The following RNF175 variants were observed in gnomAD, a reference collection of about 807,000 sequenced individuals.
RNF175 encodes the protein ring finger protein 175.
Under a neutral mutation model 50.0 loss-of-function variants are expected in RNF175, and 38 were observed. The ratio of observed to expected loss-of-function variants is 0.76; its 90% confidence interval spans 0.59 to 1.00. The LOEUF is 1.00. Ranked by LOEUF, RNF175 falls within the 50% of genes least tolerant of loss-of-function variation. The probability of loss-of-function intolerance (pLI) is 0.00; values close to 1 mark genes in which losing one functional copy is unlikely to be tolerated. For synonymous variants in RNF175, 155 were observed against 146.1 expected, an observed-to-expected ratio of 1.06 and a Z score of -0.44; for missense variants, 388 against 409.6, an observed-to-expected ratio of 0.95 and a Z score of 0.46.
intron 8 of RNF175, among the ~76,000 whole-genome samples, chr4:153,711,383 T>G (rs1432679137): frequency 6.6e-6 from 1 of 151,428 alleles, no homozygotes; most frequent in Non-Finnish European, 1.5e-5. Context: ...GAGGGTGGTC[T>G]CTTGCAATGG....
chr4:153,720,198 C>A lies in RNF175; in HGVS notation c.616G>T (p.Ala206Ser), dbSNP rs1480267176. The change falls in exon 6 of 9, where the codon GCT (alanine) becomes TCT (serine). Residue 206 changes from alanine (A) to serine (S), a missense_variant. Ala to Ser is a moderately conservative substitution (Grantham distance 99). Coordinates refer to ENST00000347063, the MANE Select transcript of RNF175 (RefSeq NM_173662.4). ...GCAACACTTACCCCTATAGTGGAAG[C>A]CATGTAGTCTGAGCAGATCTCGGCA... ...DFAEICSDYM[A>S]STIGFYSVSR... is the part of the protein sequence containing the mutation. 1 of 1,613,696 alleles carries A rather than the reference C, an allele frequency of 6.2e-7. No homozygotes were observed. Among genetic ancestry groups the A allele is most frequent in the East Asian group, 2.2e-5 (1 of 44,860 alleles).
chr4:153,728,415 A>G (rs1738840664), intron 3 of RNF175, 54 bp from the exon 4 acceptor site: 3 of 1,464,858 alleles, frequency 2.0e-6, no homozygotes, highest in Non-Finnish European at 2.9e-6. Context: ...CCTGAATGGC[A>G]TCTCCACTAT....
chr4:153,717,783 C>A (rs147887179), intron 6 of RNF175, among the ~76,000 whole-genome samples: 9 of 152,188 alleles, frequency 5.9e-5, no homozygotes, highest in South Asian at 2.1e-4. Flanking sequence ...TTTTCCCACC[C>A]CTTTCAATGA....
At chr4:153,721,290 TTGG>T (rs1738326797) in intron 5 of RNF175, 1 of 152,192 alleles carries the variant, frequency 6.6e-6, no homozygotes, top group Non-Finnish European at 1.5e-5. Flanking sequence ...GTGGTGACCC[TTGG>T]TGGTTCTGAT....
chr4:153,739,691 T>C (rs1739546360), intron 3 of RNF175, among the ~76,000 whole-genome samples: 1 of 152,220 alleles, frequency 6.6e-6, no homozygotes, highest in Non-Finnish European at 1.5e-5. Context: ...GGATTTTTTC[T>C]TTCAATACTT....
At chr4:153,726,069 G>A (rs924458816) in intron 4 of RNF175, among the ~76,000 whole-genome samples, 1 of 133,902 alleles carries the variant, frequency 7.5e-6, no homozygotes, top group East Asian at 2.3e-4. Flanking sequence ...TGGCTAGTGT[G>A]TGTATGTGTG....
At chr4:153,753,342 C>T (rs956640514) in intron 1 of RNF175, among the ~76,000 whole-genome samples, 23 of 152,236 alleles carry the variant, frequency 1.5e-4, no homozygotes, top group Admixed American at 1.4e-3. Context: ...AGTGGCTAAA[C>T]CGGAGGCACA....
intron 4 of RNF175, among the ~76,000 whole-genome samples, chr4:153,723,780 C>G (rs1490593421): frequency 6.6e-6 from 1 of 152,146 alleles, no homozygotes; most frequent in Non-Finnish European, 1.5e-5. Context: ...CCACAGCGCC[C>G]CCTTCTCATT....
At chr4:153,724,269 T>C (rs1033509590) in intron 4 of RNF175, among the ~76,000 whole-genome samples, 1 of 152,192 alleles carries the variant, frequency 6.6e-6, no homozygotes, top group African/African-American at 2.4e-5. Context: ...ACCAGCTTCA[T>C]GTCTAGGAGG....
intron 3 of RNF175, among the ~76,000 whole-genome samples, chr4:153,741,830 T>C (rs373768733): frequency 2.6e-5 from 4 of 152,306 alleles, no homozygotes; most frequent in African/African-American, 9.6e-5. Context: ...GCCAGTACTC[T>C]TTCCTTTCAC....
chr4:153,755,042 G>GC (rs1740493893), intron 1 of RNF175, among the ~76,000 whole-genome samples: 1 of 152,240 alleles, frequency 6.6e-6, no homozygotes, highest in Admixed American at 6.5e-5. Context: ...CCTGCAGCCA[G>GC]CACTGCAGGT....
At chr4:153,751,956 T>C (rs909651307) in intron 1 of RNF175, among the ~76,000 whole-genome samples, 1 of 152,344 alleles carries the variant, frequency 6.6e-6, no homozygotes, top group South Asian at 2.1e-4. Context: ...AGAGGCTCCG[T>C]TGATTTGGAG....
intron 3 of RNF175, among the ~76,000 whole-genome samples, chr4:153,733,708 C>T (rs956531542): frequency 1.3e-5 from 2 of 152,162 alleles, no homozygotes; most frequent in Non-Finnish European, 2.9e-5. Flanking sequence ...TCCCTGGAAT[C>T]CCCCAACCTC....
In RNF175 at chr4:153,759,781, GC is replaced by G. The variant is rs1401414400; in HGVS notation, c.66+15del. ...CCGGCCTGGCGTCCCCCACGCCCGC[GC>G]CCCCGCGCCAGTACCTGCTCCTGCT... On this transcript the variant is annotated intron_variant, in intron 1 of 8. Coordinates refer to ENST00000347063, the MANE Select transcript of RNF175 (RefSeq NM_173662.4). The G allele has an allele frequency of 1.4e-6, 2 of 1,464,830 alleles. No individual in the cohort carries two copies. The highest frequency in any genetic ancestry group is 2.4e-5 in the Admixed American group (1 of 42,408). The allele number at this position is 1,464,830 out of a possible 1,614,324, so 90.7% of individuals were successfully genotyped here. A position where few individuals can be genotyped will look rare whatever the true frequency, so the allele number is the denominator to read the frequency against.
chr4:153,732,101 A>G (rs987086196), intron 3 of RNF175, among the ~76,000 whole-genome samples: 5 of 152,046 alleles, frequency 3.3e-5, no homozygotes, highest in African/African-American at 1.2e-4. Flanking sequence ...GCGAGGTGGC[A>G]CACGCCTGGA....
intron 1 of RNF175, among the ~76,000 whole-genome samples, chr4:153,758,251 G>A (rs1740651938): frequency 6.6e-6 from 1 of 152,194 alleles, no homozygotes; most frequent in South Asian, 2.1e-4. Flanking sequence ...GAACTTTGAT[G>A]TGCAAATGAA....
chr4:153,711,658 AC>A (rs1276681754), intron 8 of RNF175, among the ~76,000 whole-genome samples: 4 of 152,190 alleles, frequency 2.6e-5, no homozygotes, highest in African/African-American at 4.8e-5. Context: ...GTTGATGCCA[AC>A]CTTTCAGGAC....
intron 3 of RNF175, among the ~76,000 whole-genome samples, chr4:153,743,407 T>C (rs1356017172): frequency 6.6e-6 from 1 of 152,158 alleles, no homozygotes; most frequent in African/African-American, 2.4e-5. Flanking sequence ...ACTCAACCTG[T>C]TCCTTTGGGG....
intron 2 of RNF175, 52 bp from the exon 3 acceptor site, chr4:153,748,838 T>C (rs1169635029): frequency 7.3e-7 from 1 of 1,377,414 alleles, no homozygotes; most frequent in Non-Finnish European, 9.8e-7. Flanking sequence ...CTTGCGCATT[T>C]AGCAAAAAAA....
Sources: gnomAD v4.1 joint callset for allele counts (sites outside exome capture counted in the v4.1 genomes callset) on GRCh38, gnomAD v4.1.1 for gene constraint, MANE v1.5 for transcripts, NCBI Gene and HGNC (gene_info 2026-07-23, HGNC 2026-07-21) for gene names.